DOCK4: variants seen among roughly 807,000 people sequenced by gnomAD.
DOCK4 encodes dedicator of cytokinesis 4.
A neutral mutation model predicts 268.1 loss-of-function variants in DOCK4; 97 were observed. The observed-to-expected ratio is 0.36, with a 90% confidence interval of 0.31 to 0.43. The LOEUF (loss-of-function observed/expected upper bound fraction) is 0.43. DOCK4 is among the 20% of genes least tolerant of loss of function. The probability of loss-of-function intolerance (pLI) is 1.00; values close to 1 mark genes in which losing one functional copy is unlikely to be tolerated. For synonymous variants in DOCK4, 954 were observed against 887.2 expected (o/e 1.08, Z -1.34); for missense variants, 2,145 against 2,455.7 (o/e 0.87, Z 2.67).
At chr7:111,763,118 T>A (rs1306973977) in intron 39 of DOCK4, among the ~76,000 whole-genome samples, 2 of 152,036 alleles carry the variant, frequency 1.3e-5, no homozygotes, top group Non-Finnish European at 2.9e-5. Flanking sequence ...ATCATAAAAG[T>A]GGATAAATGT....
At chr7:112,011,957 C>T (rs1220919729) in intron 1 of DOCK4, among the ~76,000 whole-genome samples, 1 of 150,988 alleles carries the variant, frequency 6.6e-6, no homozygotes, top group Non-Finnish European at 1.5e-5. Context: ...TAGATGGAGG[C>T]TTGGGATTTA....
chr7:111,980,328 A>C (rs937084991), intron 7 of DOCK4, among the ~76,000 whole-genome samples: 1 of 152,194 alleles, frequency 6.6e-6, no homozygotes, highest in Non-Finnish European at 1.5e-5. Context: ...CAAACTGCTA[A>C]AAAATTTCTG....
intron 1 of DOCK4, among the ~76,000 whole-genome samples, chr7:112,158,444 G>C (rs1816810081): frequency 6.6e-6 from 1 of 152,050 alleles, no homozygotes; most frequent in Non-Finnish European, 1.5e-5. Flanking sequence ...TTTTTGTTGT[G>C]CTTTTTAAAA....
Position 111,984,404 on chromosome 7 carries a change from T to G in DOCK4, c.465-14A>C, listed in dbSNP as rs777210645. On this transcript the variant is annotated splice_polypyrimidine_tract_variant and intron_variant, in intron 6 of 52. Transcript: ENST00000428084. The stretch of plus-strand genomic sequence containing the variant: ...AGTCCCAGTTGTCTAGAAAACAAAT[T>G]GCAAAAGTTTGGGGGAAAAGTTACC... 2.5e-6 allele frequency: 4 copies of G among 1,606,056 alleles called. No individual in the cohort carries two copies. The East Asian group carries it at 8.9e-5, about 36-fold the overall frequency.
At position 111,944,509 on chromosome 7, in the gene DOCK4, GACAA is replaced by G. The variant is rs541915825; in HGVS notation, c.844+298_844+301del. On this transcript the variant is annotated intron_variant, in intron 10 of 52. Coordinates refer to ENST00000428084, the MANE Select transcript of DOCK4 (RefSeq NM_001363540.2). ...GCTAACAGAAATTAGAATTTTAAGAGACAAACACAGAATTTTTGAATCAAATATG... is the reference window on the plus strand; with the variant it reads ...GCTAACAGAAATTAGAATTTTAAGAGACACAGAATTTTTGAATCAAATATG... Among the ~76,000 whole-genome samples the G allele has an allele frequency of 2.1e-3, 316 of 152,268 alleles. 5 individuals carry two copies. The highest frequency in any genetic ancestry group is 7.1e-3 in the African/African-American group (296 of 41,554).
At chr7:111,749,866 C>A (rs1047398219) in intron 42 of DOCK4, among the ~76,000 whole-genome samples, 4 of 152,140 alleles carry the variant, frequency 2.6e-5, no homozygotes, top group Non-Finnish European at 5.9e-5. Context: ...ATTCCTAAGA[C>A]TAGTTATCCC....
intron 2 of DOCK4, among the ~76,000 whole-genome samples, chr7:112,002,765 G>A (rs1800529167): frequency 6.6e-6 from 1 of 152,002 alleles, no homozygotes; most frequent in African/African-American, 2.4e-5. Context: ...AGAAAAGCTG[G>A]GTGGCCGGGC....
intron 12 of DOCK4, among the ~76,000 whole-genome samples, chr7:111,921,996 A>C (rs1390339972): frequency 6.6e-6 from 1 of 152,246 alleles, no homozygotes; most frequent in African/African-American, 2.4e-5. Flanking sequence ...ATTGAGAACA[A>C]TCCTCTAACA....
intron 36 of DOCK4, among the ~76,000 whole-genome samples, chr7:111,776,593 G>GAGGAGA (rs941728238): frequency 2.6e-5 from 4 of 152,168 alleles, no homozygotes; most frequent in Non-Finnish European, 4.4e-5. Context: ...TCCTCAAAAT[G>GAGGAGA]AGGAGAAGAA....
chr7:112,035,536 T>G (rs534954272), intron 1 of DOCK4, among the ~76,000 whole-genome samples: 5 of 151,764 alleles, frequency 3.3e-5, no homozygotes, highest in Admixed American at 3.3e-4. Context: ...AACAGAACAA[T>G]AGTATTATGC....
intron 8 of DOCK4, among the ~76,000 whole-genome samples, chr7:111,952,461 T>C (rs998946565): frequency 1.3e-4 from 20 of 152,176 alleles, no homozygotes; most frequent in African/African-American, 3.6e-4. Context: ...ATCAAAAATT[T>C]TGACATTTTA....
At chr7:111,765,860 G>A (rs911880185) in intron 38 of DOCK4, among the ~76,000 whole-genome samples, 1 of 152,100 alleles carries the variant, frequency 6.6e-6, no homozygotes, top group Admixed American at 6.5e-5. Flanking sequence ...TCCCATTCAT[G>A]GTATTATCAT....
chr7:112,067,540 T>C (rs1197253799), intron 1 of DOCK4, among the ~76,000 whole-genome samples: 5 of 152,160 alleles, frequency 3.3e-5, no homozygotes, highest in African/African-American at 4.8e-5. Context: ...TACATTCTCA[T>C]TGGGTGATAA....
At chr7:111,795,437 T>G (rs544559971) in intron 30 of DOCK4, among the ~76,000 whole-genome samples, 8 of 152,112 alleles carry the variant, frequency 5.3e-5, no homozygotes, top group African/African-American at 1.9e-4. Context: ...AGAAATAGGC[T>G]TGAAGCTGAT....
chr7:112,084,731 G>A (rs1234988232), intron 1 of DOCK4, among the ~76,000 whole-genome samples: 1 of 152,050 alleles, frequency 6.6e-6, no homozygotes, highest in Admixed American at 6.6e-5. Flanking sequence ...TGTTTGTACA[G>A]AGTGAAGTAA....
chr7:111,930,011 C>G (rs1794067302), intron 12 of DOCK4, among the ~76,000 whole-genome samples: 1 of 152,178 alleles, frequency 6.6e-6, no homozygotes, highest in African/African-American at 2.4e-5. Context: ...ATGTCACATT[C>G]CTATAATTCA....
chr7:111,991,305 C>A (rs1009237173), intron 5 of DOCK4, among the ~76,000 whole-genome samples: 2 of 152,176 alleles, frequency 1.3e-5, no homozygotes, highest in Non-Finnish European at 2.9e-5. Context: ...GCCAGCAAAC[C>A]TACTCTACTA....
intron 1 of DOCK4, among the ~76,000 whole-genome samples, chr7:112,053,484 A>T (rs1367215727): frequency 6.6e-6 from 1 of 152,228 alleles, no homozygotes; most frequent in Non-Finnish European, 1.5e-5. Flanking sequence ...TCCAAGAAGT[A>T]ACTCTGTCCA....
intron 26 of DOCK4, among the ~76,000 whole-genome samples, chr7:111,825,831 T>G (rs923363219): frequency 2.6e-5 from 4 of 152,190 alleles, no homozygotes; most frequent in Non-Finnish European, 4.4e-5. Context: ...AAAGGTCTTG[T>G]GAAAGTCTTC....
Sources: allele counts gnomAD v4.1 joint callset (sites outside exome capture counted in the v4.1 genomes callset), GRCh38; gene constraint gnomAD v4.1.1; transcripts MANE v1.5; gene names NCBI Gene and HGNC (gene_info 2026-07-23, HGNC 2026-07-21).